EPM2A: variants seen among roughly 807,000 people sequenced by gnomAD.
The protein encoded by EPM2A is EPM2A glucan phosphatase, laforin.
EPM2A carries 21 observed loss-of-function variants against 26.5 expected under a neutral mutation model. That is an observed-to-expected ratio of 0.79 (90% CI 0.56 to 1.14). The LOEUF (loss-of-function observed/expected upper bound fraction) is 1.14, where lower values mean the gene tolerates loss of function less well. EPM2A is among the 50% of genes most tolerant of loss of function. The probability of loss-of-function intolerance (pLI) is 0.00; values close to 1 mark genes in which losing one functional copy is unlikely to be tolerated. For synonymous variants in EPM2A, 217 were observed against 177.6 expected, an observed-to-expected ratio of 1.22 and a Z score of -1.76; for missense variants, 458 against 440.8, an observed-to-expected ratio of 1.04 and a Z score of -0.35.
chr6:145,438,365 T>C (rs1328209522), intron 4 of EPM2A, among the ~76,000 whole-genome samples: 1 of 152,106 alleles, frequency 6.6e-6, no homozygotes, highest in Admixed American at 6.5e-5. Flanking sequence ...GGCTATTATA[T>C]TCTGAGTCTG....
intron 2 of EPM2A, among the ~76,000 whole-genome samples, chr6:145,677,105 C>T (rs748234792): frequency 1.3e-5 from 2 of 152,112 alleles, no homozygotes; most frequent in Admixed American, 6.6e-5. Flanking sequence ...TGGCTTCATC[C>T]GTGGGATGCA....
intron 2 of EPM2A, among the ~76,000 whole-genome samples, chr6:145,564,711 T>G (rs542427747): frequency 6.6e-6 from 1 of 150,642 alleles, no homozygotes; most frequent in Non-Finnish European, 1.5e-5. Flanking sequence ...TCTGCTTATT[T>G]AATTTAACTC....
At chr6:145,400,279 C>G (rs9497293) in intron 4 of EPM2A, among the ~76,000 whole-genome samples, 1 of 152,134 alleles carries the variant, frequency 6.6e-6, no homozygotes, top group Non-Finnish European at 1.5e-5. Context: ...CTAAGACACC[C>G]AACCAACTGA....
At chr6:145,423,671 C>T (rs958747349) in intron 4 of EPM2A, among the ~76,000 whole-genome samples, 1 of 152,130 alleles carries the variant, frequency 6.6e-6, no homozygotes, top group African/African-American at 2.4e-5. Flanking sequence ...ATGCCCACTC[C>T]CGGTGACCTT....
intron 4 of EPM2A, among the ~76,000 whole-genome samples, chr6:145,465,309 T>G (rs1316467204): frequency 6.6e-6 from 1 of 150,670 alleles, no homozygotes; most frequent in Non-Finnish European, 1.5e-5. Context: ...GAGCCTTGGT[T>G]TTCAGCTCCA....
chr6:145,411,878 G>A (rs937587504), intron 4 of EPM2A, among the ~76,000 whole-genome samples: 10 of 152,128 alleles, frequency 6.6e-5, no homozygotes, highest in African/African-American at 2.2e-4. Flanking sequence ...GCAAGGGGAA[G>A]GTGTGTCTTC....
At chr6:145,587,257 TG>T (rs1781207641) in intron 2 of EPM2A, among the ~76,000 whole-genome samples, 1 of 152,230 alleles carries the variant, frequency 6.6e-6, no homozygotes, top group African/African-American at 2.4e-5. Flanking sequence ...TAACATGTTG[TG>T]TTTTTTTATT....
chr6:145,536,131 G>C (rs535968599), intron 2 of EPM2A, among the ~76,000 whole-genome samples: 1 of 152,276 alleles, frequency 6.6e-6, no homozygotes, highest in South Asian at 2.1e-4. Flanking sequence ...ATTCCTAAGA[G>C]TCCTTTTGGA....
At chr6:145,709,961 T>G (rs538248838) in intron 1 of EPM2A, among the ~76,000 whole-genome samples, 151 of 152,270 alleles carry the variant, frequency 9.9e-4, no homozygotes, top group Middle Eastern at 3.4e-3. Flanking sequence ...TATACAAAAA[T>G]TAATTCAAGA....
At chr6:145,564,395 C>A (rs550698372) in intron 2 of EPM2A, among the ~76,000 whole-genome samples, 3 of 152,164 alleles carry the variant, frequency 2.0e-5, no homozygotes, top group Non-Finnish European at 4.4e-5. Flanking sequence ...AATTAGGCAG[C>A]ATTCAAAATC....
intron 1 of EPM2A, among the ~76,000 whole-genome samples, chr6:145,703,895 A>C (rs554192140): frequency 2.0e-5 from 3 of 152,372 alleles, no homozygotes; most frequent in Non-Finnish European, 2.9e-5. Context: ...AGGATTTCAC[A>C]TAACAACTGT....
intron 4 of EPM2A, among the ~76,000 whole-genome samples, chr6:145,450,357 A>C (rs1182596576): frequency 4.7e-5 from 7 of 147,848 alleles, no homozygotes; most frequent in Non-Finnish European, 7.4e-5. Flanking sequence ...TCTCAAAAAA[A>C]AAAAAAAAAA....
intron 2 of EPM2A, among the ~76,000 whole-genome samples, chr6:145,642,331 A>T (rs3918991): frequency 7.2e-5 from 11 of 152,206 alleles, no homozygotes; most frequent in Non-Finnish European, 1.5e-4. Flanking sequence ...TTTAAAATCA[A>T]TCCCTTGCAT....
At chr6:145,599,981 G>T (rs1935615) in intron 2 of EPM2A, among the ~76,000 whole-genome samples, 92,594 of 151,718 alleles carry the variant, frequency 0.61, 30,806 homozygotes, top group African/African-American at 0.9. Context: ...ATAAAGTTTT[G>T]TCTCCTTTTA....
At chr6:145,506,549 TA>T (rs1362240671) in intron 2 of EPM2A, among the ~76,000 whole-genome samples, 8 of 151,608 alleles carry the variant, frequency 5.3e-5, no homozygotes, top group Non-Finnish European at 1.0e-4. Flanking sequence ...ATCTATTAAT[TA>T]AAAATTAAAT....
chr6:145,694,218 C>T lies in EPM2A; in HGVS notation c.302-7922G>A, dbSNP rs915188201. On this transcript the variant is annotated intron_variant, in intron 1 of 3. Coordinates refer to ENST00000367519, the MANE Select transcript of EPM2A (RefSeq NM_005670.4). The stretch of plus-strand genomic sequence containing the variant: ...ATATGAACATAAGCTTTGATTCTAA[C>T]ACATTAATCTCTAATTTTAACTATT... Among the ~76,000 whole-genome samples, 3 of 151,974 alleles carry T rather than the reference C, an allele frequency of 2.0e-5. No individual in the cohort carries two copies. In the South Asian group the frequency reaches 6.2e-4, roughly 32 times the overall value.
At chr6:145,507,056 C>A (rs531549590) in intron 2 of EPM2A, among the ~76,000 whole-genome samples, 2 of 152,252 alleles carry the variant, frequency 1.3e-5, no homozygotes, top group African/African-American at 4.8e-5. Context: ...CATGGGCCAC[C>A]ACACCCAGCC....
At chr6:145,436,547 G>T (rs1053039052) in intron 4 of EPM2A, among the ~76,000 whole-genome samples, 1 of 152,066 alleles carries the variant, frequency 6.6e-6, no homozygotes, top group Non-Finnish European at 1.5e-5. Flanking sequence ...AGGGGGTGTC[G>T]AGTGCCATCT....
chr6:145,436,369 T>A (rs1019750851), intron 4 of EPM2A, among the ~76,000 whole-genome samples: 1 of 152,190 alleles, frequency 6.6e-6, no homozygotes, highest in Non-Finnish European at 1.5e-5. Context: ...AGGAATGGAA[T>A]TGCTGGGTTT....
Sources: allele counts gnomAD v4.1 joint callset (sites outside exome capture counted in the v4.1 genomes callset), GRCh38; gene constraint gnomAD v4.1.1; transcripts MANE v1.5; gene names NCBI Gene and HGNC (gene_info 2026-07-23, HGNC 2026-07-21).